CELF2: variants seen among roughly 807,000 people sequenced by gnomAD.
CELF2 encodes CUG triplet repeat RNA-binding protein 2.
CELF2 carries 8 observed loss-of-function variants against 62.6 expected under a neutral mutation model. The observed-to-expected ratio is 0.13, with a 90% confidence interval of 0.07 to 0.23. CELF2 has a LOEUF of 0.23. Ranked by LOEUF, CELF2 falls within the 10% of genes least tolerant of loss-of-function variation. The pLI is 1.00. For synonymous variants in CELF2, 258 were observed against 250.0 expected, an observed-to-expected ratio of 1.03 and a Z score of -0.30; for missense variants, 333 against 671.0, an observed-to-expected ratio of 0.50 and a Z score of 5.56.
the CELF2 span, among the ~76,000 whole-genome samples, chr10:10,643,534 G>A: frequency 6.6e-6 from 1 of 152,096 alleles, no homozygotes; most frequent in Middle Eastern, 3.2e-3. Context: ...CCAGTCTCAG[G>A]TATGTCCTTA....
intron 2 of CELF2, chr10:10,970,781 C>T (rs2050671518): frequency 1.3e-5 from 2 of 152,090 alleles, no homozygotes; most frequent in African/African-American, 4.8e-5. Context: ...TGGGTTTGTT[C>T]TGACTTGTCT....
At chr10:10,675,610 T>C in the CELF2 span, among the ~76,000 whole-genome samples, 1 of 152,162 alleles carries the variant, frequency 6.6e-6, no homozygotes, top group Non-Finnish European at 1.5e-5. Context: ...TTTATGTCTT[T>C]TTTTTAGTTT....
At chr10:11,199,142 G>A (rs2058651267) in intron 2 of CELF2, among the ~76,000 whole-genome samples, 1 of 152,164 alleles carries the variant, frequency 6.6e-6, no homozygotes, top group African/African-American at 2.4e-5. Context: ...AGGAAGAAAT[G>A]AACAGTTTTA....
At chr10:10,707,973 A>G in the CELF2 span, among the ~76,000 whole-genome samples, 85 of 152,314 alleles carry the variant, frequency 5.6e-4, 1 homozygote, top group East Asian at 0.013. Flanking sequence ...TCTTTAACGT[A>G]TATTATCAAT....
At chr10:10,765,720 G>A in the CELF2 span, among the ~76,000 whole-genome samples, 2 of 152,258 alleles carry the variant, frequency 1.3e-5, no homozygotes, top group Admixed American at 6.5e-5. Context: ...TCTAGAGTTC[G>A]CTCATGCTCA....
the CELF2 span, among the ~76,000 whole-genome samples, chr10:10,676,042 C>T: frequency 1.3e-5 from 2 of 152,070 alleles, no homozygotes; most frequent in Non-Finnish European, 2.9e-5. Flanking sequence ...AGATGATGTA[C>T]TGGGAAGAGG....
At chr10:10,611,907 G>A in the CELF2 span, among the ~76,000 whole-genome samples, 2 of 152,142 alleles carry the variant, frequency 1.3e-5, no homozygotes, top group Non-Finnish European at 2.9e-5. Context: ...GAGGGAGGAG[G>A]CAGTGATTCA....
At chr10:10,889,817 A>G (rs2062007442) in intron 1 of CELF2, among the ~76,000 whole-genome samples, 1 of 152,202 alleles carries the variant, frequency 6.6e-6, no homozygotes, top group Admixed American at 6.5e-5. Context: ...CCAAAGTAGC[A>G]CAACTTAAAC....
intron 1 of CELF2, among the ~76,000 whole-genome samples, chr10:10,851,155 G>A (rs548360690): frequency 6.6e-6 from 1 of 152,306 alleles, no homozygotes; most frequent in South Asian, 2.1e-4. Context: ...GACTAACAAG[G>A]AAGAAGCAGA....
At chr10:10,623,578 C>T in the CELF2 span, among the ~76,000 whole-genome samples, 1 of 152,126 alleles carries the variant, frequency 6.6e-6, no homozygotes, top group Non-Finnish European at 1.5e-5. Context: ...AAACATGGTA[C>T]CTGCTTTAGT....
intron 1 of CELF2, among the ~76,000 whole-genome samples, chr10:10,892,769 C>T (rs1297433846): frequency 6.6e-6 from 1 of 152,166 alleles, no homozygotes; most frequent in Admixed American, 6.5e-5. Context: ...CTTGCTCCTA[C>T]GTTTTGTAAA....
At chr10:10,766,047 G>A in the CELF2 span, among the ~76,000 whole-genome samples, 2 of 152,204 alleles carry the variant, frequency 1.3e-5, no homozygotes, top group African/African-American at 4.8e-5. Flanking sequence ...TCCAACCTGA[G>A]AAACCAAGTG....
At chr10:11,294,644 G>A (rs1158771027) in intron 9 of CELF2, among the ~76,000 whole-genome samples, 3 of 152,250 alleles carry the variant, frequency 2.0e-5, no homozygotes, top group Non-Finnish European at 4.4e-5. Context: ...CAGGCGCAGT[G>A]GCTCACGCCT....
intron 1 of CELF2, among the ~76,000 whole-genome samples, chr10:11,164,292 T>G (rs920063942): frequency 6.6e-6 from 1 of 152,210 alleles, no homozygotes; most frequent in African/African-American, 2.4e-5. Flanking sequence ...TACATGGTTT[T>G]GCTTTACTGT....
chr10:11,080,302 G>A (rs1245886192), intron 1 of CELF2, among the ~76,000 whole-genome samples: 1 of 150,704 alleles, frequency 6.6e-6, no homozygotes, highest in Admixed American at 6.6e-5. Context: ...ATTTTTACAA[G>A]TCTTTTACAG....
chr10:10,833,013 CTGTGTGTGTGTGTGTGTG>C (rs71378768), intron 1 of CELF2, among the ~76,000 whole-genome samples: 16 of 144,508 alleles, frequency 1.1e-4, no homozygotes, highest in African/African-American at 3.6e-4. Flanking sequence ...ACAGAAAACT[CTGTGTGTGTGTGTGTGTG>C]TGTGTGTGTG....
intron 1 of CELF2, among the ~76,000 whole-genome samples, chr10:11,042,176 AC>A (rs1245511400): frequency 1.3e-5 from 2 of 152,236 alleles, no homozygotes; most frequent in African/African-American, 4.8e-5. Context: ...AAAGAAACTT[AC>A]ATTTATCTCC....
At chr10:10,893,074 A>T (rs1445363070) in intron 1 of CELF2, among the ~76,000 whole-genome samples, 2 of 152,376 alleles carry the variant, frequency 1.3e-5, no homozygotes, top group East Asian at 3.8e-4. Context: ...AGAGCAGAAC[A>T]TTCTAACACT....
Position 11,207,080 on chromosome 10 carries a change from G to A in CELF2, c.272-10345G>A, listed in dbSNP as rs1429190676. Among the ~76,000 whole-genome samples the A allele has an allele frequency of 6.6e-6, 1 of 152,228 alleles. No homozygotes were observed. The highest frequency in any genetic ancestry group is 2.4e-5 in the African/African-American group (1 of 41,466). ...TTCAAAGAACCAGAGAAGGGGAAAA[G>A]CACATTCCAGCAATTTTGCCCTTGT... On this transcript the variant is annotated intron_variant, in intron 2 of 12. Coordinates refer to ENST00000633077, the MANE Select transcript of CELF2 (RefSeq NM_001326342.2). The surrounding 1 kb of genome is among the most constrained non-coding windows in gnomAD (Gnocchi z 4.1).
Sources: allele counts gnomAD v4.1 joint callset (sites outside exome capture counted in the v4.1 genomes callset), GRCh38; gene constraint gnomAD v4.1.1; non-coding constraint Gnocchi (gnomAD v3.1); transcripts MANE v1.5; gene names NCBI Gene and HGNC (gene_info 2026-07-23, HGNC 2026-07-21).